The following CLSTN2 variants were observed in gnomAD, a reference collection of about 807,000 sequenced individuals.
CLSTN2 encodes the protein calsyntenin 2, also known as calsyntenin-2.
In CLSTN2, 48 loss-of-function variants were observed where a neutral mutation model predicts 101.2. The ratio of observed to expected loss-of-function variants is 0.47; its 90% CI spans 0.38 to 0.60. The LOEUF (loss-of-function observed/expected upper bound fraction) is 0.60. Ranked by LOEUF, CLSTN2 falls within the 20% of genes least tolerant of loss-of-function variation. CLSTN2 has a pLI of 0.00. For synonymous variants in CLSTN2, 481 were observed against 463.6 expected (o/e 1.04, Z -0.48); for missense variants, 1,160 against 1,238.2 (o/e 0.94, Z 0.95).
At chr3:140,013,604 T>C (rs969453885) in intron 1 of CLSTN2, among the ~76,000 whole-genome samples, 3 of 152,112 alleles carry the variant, frequency 2.0e-5, no homozygotes. Flanking sequence ...CAATGCTACA[T>C]CACAGAAAAT....
intron 1 of CLSTN2, among the ~76,000 whole-genome samples, chr3:139,996,084 C>A (rs988475522): frequency 6.6e-6 from 1 of 152,158 alleles, no homozygotes; most frequent in African/African-American, 2.4e-5. Flanking sequence ...ACAGAGGTGA[C>A]CATGATTCTA....
chr3:140,260,258 C>T (rs9844835), intron 2 of CLSTN2, among the ~76,000 whole-genome samples: 85,283 of 151,172 alleles, frequency 0.56, 26,535 homozygotes, highest in East Asian at 0.96. Flanking sequence ...AACGGTTAAA[C>T]GGAATGGTGA....
intron 2 of CLSTN2, among the ~76,000 whole-genome samples, chr3:140,334,650 C>A (rs2087422996): frequency 6.6e-6 from 1 of 152,170 alleles, no homozygotes; most frequent in South Asian, 2.1e-4. Flanking sequence ...AAGGGACATT[C>A]CTCCATGTGA....
At chr3:140,457,013 A>G (rs939105758) in intron 6 of CLSTN2, among the ~76,000 whole-genome samples, 3 of 152,098 alleles carry the variant, frequency 2.0e-5, no homozygotes, top group African/African-American at 4.8e-5. Flanking sequence ...CAATTTCTTC[A>G]CTAGTCTAAG....
intron 1 of CLSTN2, among the ~76,000 whole-genome samples, chr3:140,004,372 G>C (rs1227422347): frequency 6.6e-6 from 1 of 152,208 alleles, no homozygotes; most frequent in Non-Finnish European, 1.5e-5. Flanking sequence ...CCCTCTAGGT[G>C]AGGTGCAGGC....
chr3:140,477,698 C>T (rs1934018589), intron 8 of CLSTN2, among the ~76,000 whole-genome samples: 1 of 152,186 alleles, frequency 6.6e-6, no homozygotes, highest in Non-Finnish European at 1.5e-5. Context: ...AAGTTGTTTT[C>T]CATTATGTTC....
intron 2 of CLSTN2, among the ~76,000 whole-genome samples, chr3:140,344,966 A>T (rs2087529528): frequency 6.6e-6 from 1 of 152,186 alleles, no homozygotes; most frequent in Non-Finnish European, 1.5e-5. Context: ...CCAAGTGGGC[A>T]GGCCATTTGG....
intron 2 of CLSTN2, among the ~76,000 whole-genome samples, chr3:140,233,336 G>T (rs1314133545): frequency 1.3e-5 from 2 of 152,114 alleles, no homozygotes; most frequent in Non-Finnish European, 2.9e-5. Context: ...TCTGTAAGCT[G>T]CTCCTTATCC....
intron 2 of CLSTN2, among the ~76,000 whole-genome samples, chr3:140,258,175 T>C (rs1284915447): frequency 6.6e-6 from 1 of 152,238 alleles, no homozygotes; most frequent in African/African-American, 2.4e-5. Flanking sequence ...CCCGCTTTTA[T>C]TGTGCTAACC....
In CLSTN2 at chr3:140,566,255, G is replaced by A; in HGVS notation, c.*2G>A. ...GATGACTCCACCCTCCCCTACTAGT[G>A]CCCAGGGGTCTGCTGCCTGGCCCAC... On this transcript the variant is annotated 3_prime_UTR_variant, in exon 17 of 17. Coordinates refer to ENST00000458420, the MANE Select transcript of CLSTN2 (RefSeq NM_022131.3). 1 of 1,560,418 alleles carries A rather than the reference G, an allele frequency of 6.4e-7. No homozygotes were observed. Among genetic ancestry groups the A allele is most frequent in the South Asian group, 1.2e-5 (1 of 85,084 alleles).
intron 1 of CLSTN2, among the ~76,000 whole-genome samples, chr3:140,097,685 T>G (rs769663098): frequency 2.6e-5 from 4 of 152,188 alleles, no homozygotes; most frequent in Non-Finnish European, 5.9e-5. Flanking sequence ...TCAACTAGCG[T>G]CAATTGCAGT....
At chr3:140,219,225 A>G (rs1576471389) in intron 2 of CLSTN2, among the ~76,000 whole-genome samples, 1 of 151,958 alleles carries the variant, frequency 6.6e-6, no homozygotes, top group East Asian at 2.0e-4. Flanking sequence ...AGCCTTCCAT[A>G]AAGAGTAGGG....
rs2088573432 is a variant in CLSTN2 at position 140,427,133 on chromosome 3, GCCACTGCACT to G, written c.787+5862_787+5871del. 2.1e-5 allele frequency among the ~76,000 whole-genome samples: 3 copies of G among 142,872 alleles called. No individual in the cohort carries two copies. In the South Asian group the frequency reaches 6.4e-4, roughly 31 times the overall value. 93.7% of individuals were successfully genotyped at this position (142,872 alleles called of 152,430 possible). A position where few individuals can be genotyped will look rare whatever the true frequency, so the allele number is the denominator to read the frequency against. The stretch of plus-strand genomic sequence containing the variant: ...GGAGGTTGCAGTTAGCCAGTAGTGC[GCCACTGCACT>G]CCTGCCTGGGCGACAGAGTGAGACT... On this transcript the variant is annotated intron_variant, in intron 5 of 16. Coordinates refer to ENST00000458420, the MANE Select transcript of CLSTN2 (RefSeq NM_022131.3).
intron 1 of CLSTN2, among the ~76,000 whole-genome samples, chr3:139,938,045 A>G (rs1280202062): frequency 6.6e-6 from 1 of 151,384 alleles, no homozygotes; most frequent in African/African-American, 2.4e-5. Context: ...ATCTCTGAAG[A>G]ATGTTTGAAA....
intron 2 of CLSTN2, among the ~76,000 whole-genome samples, chr3:140,393,969 T>A (rs972991554): frequency 1.3e-5 from 2 of 152,180 alleles, no homozygotes; most frequent in Admixed American, 1.3e-4. Flanking sequence ...CTGACTAGAA[T>A]GGTGGGCACC....
chr3:140,531,353 G>A (rs1489942191), intron 8 of CLSTN2, among the ~76,000 whole-genome samples: 1 of 152,208 alleles, frequency 6.6e-6, no homozygotes, highest in Non-Finnish European at 1.5e-5. Flanking sequence ...AAACTGAAAG[G>A]AGAAAGATTA....
At chr3:140,170,302 T>C (rs529954260) in intron 1 of CLSTN2, among the ~76,000 whole-genome samples, 17 of 152,314 alleles carry the variant, frequency 1.1e-4, no homozygotes, top group African/African-American at 3.6e-4. Flanking sequence ...AATTAAGTTA[T>C]TGGTTTGCAA....
rs1478671679 is a variant in CLSTN2 at position 140,549,504 on chromosome 3, C to T, written c.1674+2823C>T. 5.3e-5 allele frequency among the ~76,000 whole-genome samples: 8 copies of T among 150,756 alleles called. No individual in the cohort carries two copies. The South Asian group carries it at 6.3e-4, about 12-fold the overall frequency. Reference sequence around the variant, plus strand: ...AGCACCGTGTGAGAAGTTAATAAGACGCCCAATTTATGGAGCACCCACTGG... The same window carrying T: ...AGCACCGTGTGAGAAGTTAATAAGATGCCCAATTTATGGAGCACCCACTGG... On this transcript the variant is annotated intron_variant, in intron 10 of 16. Coordinates refer to ENST00000458420, the MANE Select transcript of CLSTN2 (RefSeq NM_022131.3).
At chr3:140,510,939 A>C (rs926651233) in intron 8 of CLSTN2, among the ~76,000 whole-genome samples, 1 of 152,140 alleles carries the variant, frequency 6.6e-6, no homozygotes, top group Non-Finnish European at 1.5e-5. Flanking sequence ...GGTTTGCTGC[A>C]CAGATCATCC....
Sources: gnomAD v4.1 joint callset for allele counts (sites outside exome capture counted in the v4.1 genomes callset) on GRCh38, gnomAD v4.1.1 for gene constraint, MANE v1.5 for transcripts, NCBI Gene and HGNC (gene_info 2026-07-23, HGNC 2026-07-21) for gene names.